Variants in ADAP1 observed in about 807,000 individuals in gnomAD.
The protein encoded by ADAP1 is arf-GAP with dual PH domain-containing protein 1.
In ADAP1, 31 loss-of-function variants were observed where a neutral mutation model predicts 54.9. The observed-to-expected ratio is 0.56, with a 90% CI of 0.42 to 0.76. The LOEUF (loss-of-function observed/expected upper bound fraction) is 0.76. Ranked by LOEUF, ADAP1 falls within the 30% of genes least tolerant of loss-of-function variation. The pLI, the probability that ADAP1 is intolerant of heterozygous loss-of-function variation, is 0.00. For synonymous variants in ADAP1, 313 were observed against 202.6 expected, an observed-to-expected ratio of 1.55 and a Z score of -4.63; for missense variants, 535 against 512.4, an observed-to-expected ratio of 1.04 and a Z score of -0.42.
chr7:899,561 A>AC, intron 8 of ADAP1, 71 bp from the exon 9 acceptor site: 1 of 1,526,728 alleles, frequency 6.5e-7, no homozygotes, highest in Non-Finnish European at 8.9e-7. Flanking sequence ...ACCACAGCAC[A>AC]CCCCGGAGGG....
At chr7:943,734 GA>G (rs1847061632) in intron 1 of ADAP1, among the ~76,000 whole-genome samples, 1 of 21,982 alleles carries the variant, frequency 4.5e-5, no homozygotes, top group Non-Finnish European at 8.2e-5. Context: ...GAGAGAGGAG[GA>G]AGGGAGAGAG....
chr7:913,572 CCT>C (rs1278661377), intron 4 of ADAP1, among the ~76,000 whole-genome samples: 4 of 152,124 alleles, frequency 2.6e-5, no homozygotes, highest in African/African-American at 4.8e-5. Context: ...ACCTTGCTCC[CCT>C]GTTATAATCC....
At chr7:919,063 C>G (rs939375588) in intron 4 of ADAP1, among the ~76,000 whole-genome samples, 1 of 152,208 alleles carries the variant, frequency 6.6e-6, no homozygotes, top group African/African-American at 2.4e-5. Context: ...GGCACTGCCT[C>G]CCAGCGCCCA....
rs57944910 is a variant in ADAP1 at position 938,547 on chromosome 7, AAG to A, written c.83-3044_83-3043del. On this transcript the variant is annotated intron_variant, in intron 1 of 10. Coordinates refer to ENST00000265846, the MANE Select transcript of ADAP1 (RefSeq NM_006869.4). The surrounding 1 kb of genome is among the most constrained non-coding windows in gnomAD (Gnocchi z 4.4). ...GGGAAGAACCACACTGAAGTCCCAGAAGAGAGAGACCTGACTCCCCCCGGGCT... is the reference window on the plus strand; with the variant it reads ...GGGAAGAACCACACTGAAGTCCCAGAAGAGAGACCTGACTCCCCCCGGGCT... Among the ~76,000 whole-genome samples the A allele has an allele frequency of 0.019, 2,922 of 152,208 alleles. 97 individuals carry two copies. Among genetic ancestry groups the A allele is most frequent in the African/African-American group, 0.066 (2,754 of 41,518 alleles).
At position 906,832 on chromosome 7, in the gene ADAP1, G is replaced by C. The variant is rs867334997; in HGVS notation, c.389-1660C>G. ...GGGGGACATGGGTCAGATGGTGATG[G>C]TGGATGGTTGGTGAGGGGATATGAC... On this transcript the variant is annotated intron_variant, in intron 4 of 10. Transcript: ENST00000265846. 3.8e-5 allele frequency among the ~76,000 whole-genome samples: 4 copies of C among 104,684 alleles called. No individual in the cohort carries two copies. In the South Asian group the frequency reaches 1.1e-3, roughly 29 times the overall value. The allele number at this position is 104,684 out of a possible 152,430, so 68.7% of individuals were successfully genotyped here.
At chr7:918,395 T>C (rs1219532448) in intron 4 of ADAP1, among the ~76,000 whole-genome samples, 1 of 152,188 alleles carries the variant, frequency 6.6e-6, no homozygotes, top group Non-Finnish European at 1.5e-5. Flanking sequence ...TTTTCTTTTT[T>C]TTAAAGGGAG....
intron 1 of ADAP1, among the ~76,000 whole-genome samples, chr7:948,580 C>T (rs1490308535): frequency 1.3e-5 from 2 of 152,320 alleles, no homozygotes; most frequent in Admixed American, 1.3e-4. Context: ...TAAGCTGTCA[C>T]CACCACCACC....
chr7:937,176 C>CGGCCTCTGG (rs1846792452), intron 1 of ADAP1, among the ~76,000 whole-genome samples: 3 of 78,470 alleles, frequency 3.8e-5, no homozygotes, highest in Admixed American at 1.2e-4. Context: ...GGGTCACGCC[C>CGGCCTCTGG]GACCTCTGGG....
chr7:906,679 A>T (rs57799929), intron 4 of ADAP1, among the ~76,000 whole-genome samples: 5 of 64,636 alleles, frequency 7.7e-5, no homozygotes, highest in Non-Finnish European at 1.3e-4. Flanking sequence ...GGACATGGAC[A>T]GGGGACACGG....
intron 4 of ADAP1, among the ~76,000 whole-genome samples, chr7:906,704 G>GAGAAA (rs1845426994): frequency 5.6e-5 from 2 of 35,758 alleles, no homozygotes; most frequent in South Asian, 1.0e-3. Context: ...CATGGACATG[G>GAGAAA]GGGACGGGAC....
intron 2 of ADAP1, among the ~76,000 whole-genome samples, chr7:931,907 G>C (rs4722697): frequency 0.27 from 41,615 of 152,080 alleles, 5,973 homozygotes; most frequent in South Asian, 0.45. Flanking sequence ...GTGGGAGCAG[G>C]CTTAGCCCCC....
At chr7:933,709 G>A (rs370031313) in intron 2 of ADAP1, among the ~76,000 whole-genome samples, 71 of 35,146 alleles carry the variant, frequency 2.0e-3, no homozygotes, top group South Asian at 7.4e-3. Context: ...AGAGCCGGGG[G>A]CCGGGGTCAG....
rs897468208 is a variant in ADAP1 at position 946,160 on chromosome 7, C to T, written c.82+8236G>A. ...CCCAGGCACACAGCGCCCCACTCCA[C>T]GCCGGGACCCAGGCCCCTCTCCAAC... On this transcript the variant is annotated intron_variant, in intron 1 of 10. Coordinates refer to ENST00000265846, the MANE Select transcript of ADAP1 (RefSeq NM_006869.4). The surrounding 1 kb of genome is among the most constrained non-coding windows in gnomAD (Gnocchi z 4.3). Among the ~76,000 whole-genome samples, 7 of 152,224 alleles carry T rather than the reference C, an allele frequency of 4.6e-5. No homozygotes were observed. Among genetic ancestry groups the T allele is most frequent in the African/African-American group, 7.2e-5 (3 of 41,452 alleles).
intron 1 of ADAP1, among the ~76,000 whole-genome samples, chr7:951,545 G>A (rs1847271755): frequency 6.6e-6 from 1 of 151,464 alleles, no homozygotes; most frequent in South Asian, 2.1e-4. Context: ...CCACTGCACT[G>A]TAGCCTGGGT....
At chr7:912,417 G>C (rs1845761192) in intron 4 of ADAP1, among the ~76,000 whole-genome samples, 1 of 152,180 alleles carries the variant, frequency 6.6e-6, no homozygotes, top group African/African-American at 2.4e-5. Flanking sequence ...CAGACACAAG[G>C]ATAAACCCCC....
Position 920,480 on chromosome 7 carries a change from C to T in ADAP1, c.306-430G>A, listed in dbSNP as rs1033386768. On this transcript the variant is annotated intron_variant, in intron 3 of 10. Coordinates refer to ENST00000265846, the MANE Select transcript of ADAP1 (RefSeq NM_006869.4). This position sits in a 1 kb window ranked among gnomAD's most constrained non-coding sequence, Gnocchi z 4.5. Reference sequence around the variant, plus strand: ...TTGGACCGGATCTGGGAAGTGGCCGCGGCGCCGCCCTCCACCCACCGTGCT... The same window carrying T: ...TTGGACCGGATCTGGGAAGTGGCCGTGGCGCCGCCCTCCACCCACCGTGCT... Among the ~76,000 whole-genome samples the T allele has an allele frequency of 5.3e-5, 8 of 151,548 alleles. No individual in the cohort carries two copies. The highest frequency in any genetic ancestry group is 3.9e-4 in the East Asian group (2 of 5,104).
chr7:907,139 C>A (rs541921052), intron 4 of ADAP1, among the ~76,000 whole-genome samples: 4 of 152,252 alleles, frequency 2.6e-5, no homozygotes, highest in Non-Finnish European at 5.9e-5. Flanking sequence ...GGGAGTCCAG[C>A]TCAAGCCCTC....
intron 3 of ADAP1, among the ~76,000 whole-genome samples, chr7:922,175 G>C (rs994496142): frequency 6.6e-6 from 1 of 152,162 alleles, no homozygotes; most frequent in South Asian, 2.1e-4. Flanking sequence ...GTCACGAGGA[G>C]GTGGGCTTCG....
chr7:916,584 C>T (rs536752395), intron 4 of ADAP1, among the ~76,000 whole-genome samples: 58 of 152,248 alleles, frequency 3.8e-4, no homozygotes, highest in African/African-American at 1.4e-3. Flanking sequence ...AGGAGTGGAG[C>T]GAGGGGTGTG....
Sources: allele counts gnomAD v4.1 joint callset (sites outside exome capture counted in the v4.1 genomes callset), GRCh38; gene constraint gnomAD v4.1.1; non-coding constraint Gnocchi (gnomAD v3.1); transcripts MANE v1.5; gene names NCBI Gene and HGNC (gene_info 2026-07-23, HGNC 2026-07-21).